The following AZU1 variants were observed in gnomAD, a reference collection of about 807,000 sequenced individuals.
AZU1 encodes azurocidin 1, also known as azurocidin.
A neutral mutation model predicts 17.8 loss-of-function variants in AZU1; 21 were observed. That is an observed-to-expected ratio of 1.18 (90% CI 0.84 to 1.70). The LOEUF (loss-of-function observed/expected upper bound fraction) is 1.70, where lower values mean the gene tolerates loss of function less well. AZU1 is among the 40% of genes most tolerant of loss of function. The pLI is 0.00. For missense variants in AZU1, 379 were observed against 362.9 expected (o/e 1.04, Z -0.36); for synonymous variants, 178 against 155.2 (o/e 1.15, Z -1.09).
chr19:829,413 CG>C, intron 2 of AZU1, 148 bp from the exon 3 acceptor site: 2 of 1,128,574 alleles, frequency 1.8e-6, no homozygotes, highest in Non-Finnish European at 2.5e-6. Flanking sequence ...TGGAAAGTCT[CG>C]GCTCTGCTTC....
intron 4 of AZU1, chr19:831,510 C>G (rs116561379): frequency 3.4e-6 from 2 of 585,322 alleles, no homozygotes; most frequent in East Asian, 2.9e-5. Context: ...CCTGGCCCAG[C>G]CTGGAGGTGC....
chr19:828,024 G>A (rs778232796), intron 1 of AZU1, 120 bp downstream of exon 1: 195 of 1,431,804 alleles, frequency 1.4e-4, no homozygotes, highest in Non-Finnish European at 1.4e-4. Context: ...CAGCCAGCCC[G>A]GCCTGGACGA....
Position 831,835 on chromosome 19 carries a change from G to C in AZU1, c.714G>C (p.Trp238Cys). 6.2e-7 allele frequency: 1 copy of C among 1,612,764 alleles called. No homozygotes were observed. Among genetic ancestry groups the C allele is most frequent in the Non-Finnish European group, 8.5e-7 (1 of 1,179,816 alleles). Residue 238 changes from tryptophan to cysteine, a missense_variant, in exon 5 of 5, where the codon TGG becomes TGC. Coordinates refer to ENST00000233997, the MANE Select transcript of AZU1 (RefSeq NM_001700.5). The part of the protein sequence containing the change: ...FFTRVALFRD[W>C]IDGVLNNPGP... ...CCCGAGTGGCGCTCTTCCGAGACTG[G>C]ATCGATGGTGTTCTCAACAACCCGG... is the stretch of plus-strand genomic sequence containing the variant.
chr19:827,996 G>A (rs1360079766), intron 1 of AZU1, 92 bp downstream of exon 1: 23 of 1,499,530 alleles, frequency 1.5e-5, no homozygotes, highest in East Asian at 5.0e-5. Flanking sequence ...GAAGGCAAGC[G>A]GCTTGGCCTG....
At position 829,586 on chromosome 19, in the gene AZU1, G is replaced by A. The variant is rs768244268; in HGVS notation, c.240G>A (p.Val80=). 1 of 1,613,232 alleles carries A rather than the reference G, an allele frequency of 6.2e-7. No homozygotes were observed. The highest frequency in any genetic ancestry group is 8.5e-7 in the Non-Finnish European group (1 of 1,179,942). The change falls in exon 3 of 5, where the codon GTG becomes GTA. Residue 80 remains valine, a synonymous_variant. Coordinates refer to ENST00000233997, the MANE Select transcript of AZU1 (RefSeq NM_001700.5). ...QSQNPGVSTV[V]LGAYDLRRRE... ...GGAACCCCGGGGTTAGCACCGTGGT[G>A]CTGGGTGCCTATGACCTGAGGCGGC... is the stretch of plus-strand genomic sequence containing the variant.
chr19:831,137 G>GCGTGATCT, intron 4 of AZU1, 196 bp downstream of exon 4: 1 of 578,044 alleles, frequency 1.7e-6, no homozygotes, highest in South Asian at 2.5e-5. Context: ...GAGTGTAGTG[G>GCGTGATCT]CGTGATCTCG....
At chr19:829,261 C>T (rs1225880034) in intron 2 of AZU1, among the ~76,000 whole-genome samples, 2 of 124,778 alleles carry the variant, frequency 1.6e-5, no homozygotes, top group Non-Finnish European at 3.4e-5. Context: ...GGAGGAGGTG[C>T]AGAGAAGGGG....
In AZU1 at chr19:828,340, A is replaced by T; in HGVS notation, c.169A>T (p.Ile57Phe). 6.2e-7 allele frequency: 1 copy of T among 1,604,654 alleles called. No homozygotes were observed. The highest frequency in any genetic ancestry group is 8.5e-7 in the Non-Finnish European group (1 of 1,175,382). ...CAGGCACTTCTGCGGGGGTGCCCTGATCCATGCCCGCTTCGTGATGACCGC... is the reference window on the plus strand; with the variant it reads ...CAGGCACTTCTGCGGGGGTGCCCTGTTCCATGCCCGCTTCGTGATGACCGC... The part of the protein sequence containing the change: ...QGRHFCGGAL[I>F]HARFVMTAAS... Residue 57 changes from isoleucine (I) to phenylalanine (F), a missense_variant, in exon 2 of 5, where the codon ATC becomes TTC. Coordinates refer to ENST00000233997, the MANE Select transcript of AZU1 (RefSeq NM_001700.5).
In AZU1 at chr19:829,766, A is replaced by C. The variant is rs2035264492; in HGVS notation, c.360+60A>C. 7 of 1,581,100 alleles carry C rather than the reference A, an allele frequency of 4.4e-6. No individual in the cohort carries two copies. The South Asian group carries it at 7.8e-5, about 18-fold the overall frequency. On this transcript the variant is annotated intron_variant, in intron 3 of 4. Transcript: ENST00000233997. ...TCGGGAGGCCGACGTTAGCCAGGGA[A>C]ACAAGTCCAAACTTGGTCTCTACAA...
intron 4 of AZU1, 134 bp from the exon 5 acceptor site, chr19:831,580 AAG>A: frequency 6.0e-6 from 6 of 1,002,882 alleles, no homozygotes; most frequent in South Asian, 3.7e-5. Context: ...AGGGCAGAGA[AAG>A]AGAAGAGCCA....
intron 1 of AZU1, 132 bp downstream of exon 1, chr19:828,036 C>T (rs1054005850): frequency 1.4e-6 from 2 of 1,406,364 alleles, no homozygotes; most frequent in African/African-American, 1.4e-5. Context: ...CCTGGACGAT[C>T]CCGCGAAAGG....
chr19:827,982 C>T (rs1297628204), intron 1 of AZU1, 78 bp downstream of exon 1: 28 of 1,515,002 alleles, frequency 1.8e-5, no homozygotes, highest in Non-Finnish European at 2.4e-5. Flanking sequence ...ACTTAAAGCA[C>T]AGAGAAGGCA....
At position 828,359 on chromosome 19, in the gene AZU1, T is replaced by A; in HGVS notation, c.188T>A (p.Met63Lys). Residue 63 changes from methionine to lysine, a missense_variant, in exon 2 of 5, where the codon ATG becomes AAG. Transcript: ENST00000233997. The stretch of plus-strand genomic sequence containing the variant: ...GCCCTGATCCATGCCCGCTTCGTGA[T>A]GACCGCGGCCAGCTGCTTCCAAAGC... ...GGALIHARFVMTAASCFQSQN... is the reference protein window; with the variant it reads ...GGALIHARFVKTAASCFQSQN... 6.3e-7 allele frequency: 1 copy of A among 1,595,682 alleles called. No individual in the cohort carries two copies. The highest frequency in any genetic ancestry group is 8.5e-7 in the Non-Finnish European group (1 of 1,170,626).
In AZU1 at chr19:831,398, C is replaced by T. The variant is rs573389196; in HGVS notation, c.595-318C>T. ...TGGCTGAGAAACAGTAGCTATCAAACGCCGGCTGTGAGCCACGTCTGTGCT... is the reference window on the plus strand; with the variant it reads ...TGGCTGAGAAACAGTAGCTATCAAATGCCGGCTGTGAGCCACGTCTGTGCT... On this transcript the variant is annotated intron_variant, in intron 4 of 4. Coordinates refer to ENST00000233997, the MANE Select transcript of AZU1 (RefSeq NM_001700.5). 3.3e-4 allele frequency: 127 copies of T among 384,828 alleles called. 1 individual carries two copies. Among genetic ancestry groups the T allele is most frequent in the African/African-American group, 2.1e-3 (100 of 48,564 alleles). 23.8% of individuals were successfully genotyped at this position (384,828 alleles called of 1,614,324 possible).
At chr19:831,003 G>C in intron 4 of AZU1, 62 bp downstream of exon 4, 1 of 1,519,722 alleles carries the variant, frequency 6.6e-7, no homozygotes, top group Non-Finnish European at 8.9e-7. Flanking sequence ...CGTGGCAGGA[G>C]AAAGCAAGTG....
rs61732996 is a variant in AZU1 at position 830,841 on chromosome 19, G to C, written c.494G>C (p.Arg165Pro). The change falls in exon 4 of 5, where the codon CGT becomes CCT. Residue 165 changes from arginine (R) to proline (P), a missense_variant. Transcript: ENST00000233997. ...GSQRSGGRLSRFPRFVNVTVT... is the reference protein window; with the variant it reads ...GSQRSGGRLSPFPRFVNVTVT... ...CAGCGCAGTGGGGGGCGTCTCTCCC[G>C]TTTTCCCAGGTTTGTCAACGTGACT... is the stretch of plus-strand genomic sequence containing the variant. 3.7e-6 allele frequency: 6 copies of C among 1,608,318 alleles called. No homozygotes were observed. Among genetic ancestry groups the C allele is most frequent in the Non-Finnish European group, 5.1e-6 (6 of 1,179,968 alleles).
chr19:830,511 C>T (rs1308634848), intron 3 of AZU1, among the ~76,000 whole-genome samples, 197 bp from the exon 4 acceptor site: 1 of 152,190 alleles, frequency 6.6e-6, no homozygotes, highest in Non-Finnish European at 1.5e-5. Flanking sequence ...AACTCCTGGC[C>T]TCAAGTGATC....
intron 1 of AZU1, 69 bp downstream of exon 1, chr19:827,973 C>T: frequency 1.3e-6 from 2 of 1,525,884 alleles, no homozygotes; most frequent in Non-Finnish European, 1.8e-6. Context: ...AGAACTCAGA[C>T]TTAAAGCACA....
intron 3 of AZU1, among the ~76,000 whole-genome samples, chr19:829,936 A>ACGTGTGTG (rs1555704984): frequency 1.5e-5 from 2 of 137,766 alleles, no homozygotes; most frequent in Non-Finnish European, 3.1e-5. Context: ...AAAAATATAT[A>ACGTGTGTG]TGTGTGTGTG....
Sources: allele counts gnomAD v4.1 joint callset (sites outside exome capture counted in the v4.1 genomes callset), GRCh38; gene constraint gnomAD v4.1.1; transcripts MANE v1.5; gene names NCBI Gene and HGNC (gene_info 2026-07-23, HGNC 2026-07-21).